TUNAR: variants seen among roughly 807,000 people sequenced by gnomAD.
TUNAR encodes transmembrane neural differentiation associated intracellular calcium regulator.
intron 2 of TUNAR, among the ~76,000 whole-genome samples, chr14:95,906,157 T>C (rs1265105919): frequency 6.6e-6 from 1 of 152,204 alleles, no homozygotes; most frequent in Non-Finnish European, 1.5e-5. Context: ...GGAGCCCTGG[T>C]TCATTTTATT....
intron 2 of TUNAR, among the ~76,000 whole-genome samples, chr14:95,916,077 TAGTA>T (rs1246219580): frequency 6.6e-6 from 1 of 152,260 alleles, no homozygotes; most frequent in African/African-American, 2.4e-5. Context: ...TGCAGTTAAC[TAGTA>T]AGTATTAAAT....
At chr14:95,881,670 C>T (rs1403380438) in intron 2 of TUNAR, among the ~76,000 whole-genome samples, 2 of 152,138 alleles carry the variant, frequency 1.3e-5, no homozygotes, top group Non-Finnish European at 2.9e-5. Context: ...GAGATGCCGT[C>T]GTAGCTGATG....
chr14:95,919,452 T>C (rs927346628), intron 2 of TUNAR, among the ~76,000 whole-genome samples: 1 of 152,234 alleles, frequency 6.6e-6, no homozygotes, highest in East Asian at 1.9e-4. Context: ...CTCACACTTA[T>C]GATCCCAGCA....
chr14:95,905,972 A>G (rs1471627429), intron 2 of TUNAR, among the ~76,000 whole-genome samples: 1 of 152,104 alleles, frequency 6.6e-6, no homozygotes, highest in Non-Finnish European at 1.5e-5. Context: ...TTCTTGCTCA[A>G]ATTATCCCAG....
intron 2 of TUNAR, among the ~76,000 whole-genome samples, chr14:95,883,437 C>T (rs781060145): frequency 4.6e-5 from 7 of 152,170 alleles, no homozygotes; most frequent in Non-Finnish European, 8.8e-5. Flanking sequence ...AGACAGATGT[C>T]AGGGACAACA....
chr14:95,886,534 C>T (rs193046715), intron 2 of TUNAR, among the ~76,000 whole-genome samples: 14 of 152,346 alleles, frequency 9.2e-5, no homozygotes, highest in South Asian at 6.2e-4. Context: ...GCCCTCTTCA[C>T]GACTGGCTGA....
chr14:95,921,391 A>T (rs1422506981), intron 2 of TUNAR, among the ~76,000 whole-genome samples: 1 of 152,168 alleles, frequency 6.6e-6, no homozygotes, highest in East Asian at 1.9e-4. Flanking sequence ...ATCACATCAC[A>T]AGTGGACGGG....
chr14:95,903,875 G>T (rs1272133466), intron 2 of TUNAR, among the ~76,000 whole-genome samples: 1 of 152,192 alleles, frequency 6.6e-6, no homozygotes, highest in Non-Finnish European at 1.5e-5. Flanking sequence ...CACCTGGCTC[G>T]CTGGGGCTTC....
At chr14:95,883,070 G>A (rs1288548956) in intron 2 of TUNAR, among the ~76,000 whole-genome samples, 3 of 152,072 alleles carry the variant, frequency 2.0e-5, no homozygotes, top group Admixed American at 6.5e-5. Flanking sequence ...AAAACAGTAC[G>A]TCCAGTTTTG....
chr14:95,909,347 G>A (rs940621168), intron 2 of TUNAR, among the ~76,000 whole-genome samples: 3 of 144,170 alleles, frequency 2.1e-5, no homozygotes, highest in Non-Finnish European at 4.5e-5. Context: ...GCAGTGGCAC[G>A]ATCTCGGCTC....
At chr14:95,911,724 A>G (rs1179768940) in intron 2 of TUNAR, among the ~76,000 whole-genome samples, 1 of 152,240 alleles carries the variant, frequency 6.6e-6, no homozygotes, top group Non-Finnish European at 1.5e-5. Context: ...GAAAGCAGCC[A>G]GCAAGTAATG....
intron 2 of TUNAR, among the ~76,000 whole-genome samples, chr14:95,912,768 A>G (rs983952093): frequency 6.6e-6 from 1 of 152,188 alleles, no homozygotes; most frequent in Non-Finnish European, 1.5e-5. Context: ...CCCTTATCAC[A>G]TCGTGGGCAT....
At chr14:95,882,493 C>T (rs1265250191) in intron 2 of TUNAR, among the ~76,000 whole-genome samples, 1 of 152,198 alleles carries the variant, frequency 6.6e-6, no homozygotes, top group Non-Finnish European at 1.5e-5. Flanking sequence ...TTGTATGTGG[C>T]TTATGACAAG....
At chr14:95,876,657 G>A (rs929398633) in intron 1 of TUNAR, 175 bp from the exon 1 acceptor site, 2 of 152,344 alleles carry the variant, frequency 1.3e-5, no homozygotes, top group African/African-American at 4.8e-5. Flanking sequence ...TCGAAGAGCA[G>A]GGCAGCTACG....
At chr14:95,919,570 G>T (rs941243306) in intron 2 of TUNAR, among the ~76,000 whole-genome samples, 1 of 151,700 alleles carries the variant, frequency 6.6e-6, no homozygotes, top group Non-Finnish European at 1.5e-5. Flanking sequence ...AATTTTAGCT[G>T]GGCGTGGTGG....
chr14:95,911,616 A>G (rs969191005), intron 2 of TUNAR, among the ~76,000 whole-genome samples: 1 of 152,242 alleles, frequency 6.6e-6, no homozygotes, highest in African/African-American at 2.4e-5. Flanking sequence ...TTGCCATCGT[A>G]GATAGGATCA....
At chr14:95,892,492 G>A (rs79120365) in intron 2 of TUNAR, among the ~76,000 whole-genome samples, 7,059 of 152,358 alleles carry the variant, frequency 0.046, 209 homozygotes, top group South Asian at 0.088. Flanking sequence ...AGCACCTGGT[G>A]CATTACTGGG....
intron 2 of TUNAR, among the ~76,000 whole-genome samples, chr14:95,904,584 C>T (rs913724289): frequency 7.2e-5 from 11 of 152,180 alleles, no homozygotes; most frequent in African/African-American, 2.7e-4. Context: ...AGCCAGAGGC[C>T]GAGTCCTAAG....
At chr14:95,910,608 T>G (rs950196532) in intron 2 of TUNAR, among the ~76,000 whole-genome samples, 3 of 152,246 alleles carry the variant, frequency 2.0e-5, no homozygotes, top group Non-Finnish European at 4.4e-5. Context: ...GACTAAATGC[T>G]TTACAGATAT....
Sources: gnomAD v4.1 joint callset for allele counts (sites outside exome capture counted in the v4.1 genomes callset) on GRCh38, gnomAD v4.1.1 for gene constraint, MANE v1.5 for transcripts, NCBI Gene and HGNC (gene_info 2026-07-23, HGNC 2026-07-21) for gene names.